The following PARVA variants were observed in gnomAD, a reference collection of about 807,000 sequenced individuals.
PARVA encodes alpha-parvin.
A neutral mutation model predicts 52.6 loss-of-function variants in PARVA; 25 were observed. That is an observed-to-expected ratio of 0.48 (90% CI 0.35 to 0.66). PARVA has a LOEUF of 0.66. Ranked by LOEUF, PARVA falls within the 30% of genes least tolerant of loss-of-function variation. The pLI is 0.01. For missense variants in PARVA, 373 were observed against 450.9 expected (o/e 0.83, Z 1.56); for synonymous variants, 185 against 179.1 (o/e 1.03, Z -0.26).
At chr11:12,483,437 A>G (rs1166565026) in intron 4 of PARVA, among the ~76,000 whole-genome samples, 2 of 152,234 alleles carry the variant, frequency 1.3e-5, no homozygotes, top group African/African-American at 4.8e-5. Context: ...TGTTTCAACC[A>G]GGGCTCATAG....
rs142627372 is a variant in PARVA, at chr11:12,521,023, T to A, written c.1042+2506T>A. 1.8e-4 allele frequency among the ~76,000 whole-genome samples: 28 copies of A among 152,322 alleles called. No homozygotes were observed. The Middle Eastern group carries it at 0.01, about 56-fold the overall frequency. On this transcript the variant is annotated intron_variant, in intron 12 of 12. Transcript: ENST00000334956. ...GGGCATCGTGCCACATGTCTTCAAATGCACATGTCCACCCTGTTATCACCT... is the reference window on the plus strand; with the variant it reads ...GGGCATCGTGCCACATGTCTTCAAAAGCACATGTCCACCCTGTTATCACCT...
rs66494894 is a variant in PARVA at position 12,522,421 on chromosome 11, C to CTTTTT, written c.1042+3917_1042+3921dup. On this transcript the variant is annotated intron_variant, in intron 12 of 12. Coordinates refer to ENST00000334956, the MANE Select transcript of PARVA (RefSeq NM_018222.5). ...TAGACAACAAATCAAGAGCTTTATT[C>CTTTTT]TTTTTTTTTTTTTTTTTCTTGAGAC... is the stretch of plus-strand genomic sequence containing the variant. Among the ~76,000 whole-genome samples the CTTTTT allele has an allele frequency of 2.5e-4, 33 of 134,612 alleles. No individual in the cohort carries two copies. The South Asian group carries it at 2.8e-3, about 12-fold the overall frequency. 88.3% of individuals were successfully genotyped at this position (134,612 alleles called of 152,430 possible).
intron 1 of PARVA, among the ~76,000 whole-genome samples, chr11:12,454,156 C>T (rs982027114): frequency 6.6e-6 from 1 of 152,092 alleles, no homozygotes; most frequent in African/African-American, 2.4e-5. Context: ...CCCTTGGATC[C>T]AGGAAGTGGG....
chr11:12,408,152 C>T (rs1939941220), intron 1 of PARVA, among the ~76,000 whole-genome samples: 1 of 152,112 alleles, frequency 6.6e-6, no homozygotes, highest in Non-Finnish European at 1.5e-5. Context: ...CCCACCCCGA[C>T]CTGGCCCTAC....
At chr11:12,418,074 G>A (rs181426695) in intron 1 of PARVA, among the ~76,000 whole-genome samples, 5 of 152,350 alleles carry the variant, frequency 3.3e-5, no homozygotes, top group South Asian at 4.1e-4. Flanking sequence ...TCATTGGAAG[G>A]TTCCTGCTGG....
intron 4 of PARVA, among the ~76,000 whole-genome samples, chr11:12,494,157 C>T (rs1941266703): frequency 6.6e-6 from 1 of 152,238 alleles, no homozygotes; most frequent in Non-Finnish European, 1.5e-5. Flanking sequence ...CACAGAGCTT[C>T]CATGCTTTCT....
At chr11:12,476,513 C>G (rs1216260617) in intron 3 of PARVA, among the ~76,000 whole-genome samples, 2 of 151,976 alleles carry the variant, frequency 1.3e-5, no homozygotes, top group East Asian at 3.9e-4. Flanking sequence ...AAAAAAAAGT[C>G]TCCTCAAACA....
chr11:12,533,040 T>C lies in PARVA; in HGVS notation c.*5115T>C, dbSNP rs1941791492. 6.6e-6 allele frequency among the ~76,000 whole-genome samples: 1 copy of C among 152,110 alleles called. No homozygotes were observed. Among genetic ancestry groups the C allele is most frequent in the Admixed American group, 6.5e-5 (1 of 15,274 alleles). ...GAGCGGAGGAGACCAGGAGAGGAGA[T>C]CAGACCTCTGCCCACCCCAACACCA... On this transcript the variant is annotated 3_prime_UTR_variant, in exon 13 of 13. Transcript: ENST00000334956.
rs1335114258 is a variant in PARVA at position 12,533,066 on chromosome 11, A to G, written c.*5141A>G. On this transcript the variant is annotated 3_prime_UTR_variant, in exon 13 of 13. Transcript: ENST00000334956. ...CAGACCTCTGCCCACCCCAACACCA[A>G]TCTGGTCTTAGCAACCTCTGGGCAT... Among the ~76,000 whole-genome samples the G allele has an allele frequency of 5.3e-5, 8 of 152,130 alleles. No homozygotes were observed. Among genetic ancestry groups the G allele is most frequent in the Non-Finnish European group, 5.9e-5 (4 of 68,024 alleles).
At chr11:12,453,924 G>A (rs1940659289) in intron 1 of PARVA, among the ~76,000 whole-genome samples, 1 of 152,214 alleles carries the variant, frequency 6.6e-6, no homozygotes, top group Non-Finnish European at 1.5e-5. Context: ...GGGGGACACA[G>A]CATCTCCCTG....
chr11:12,437,678 A>G (rs1007822315), intron 1 of PARVA, among the ~76,000 whole-genome samples: 2 of 152,164 alleles, frequency 1.3e-5, no homozygotes, highest in African/African-American at 2.4e-5. Context: ...AAGAGCATCA[A>G]GGCTGTGCTT....
chr11:12,435,607 C>G (rs1940377060), intron 1 of PARVA, among the ~76,000 whole-genome samples: 1 of 152,130 alleles, frequency 6.6e-6, no homozygotes, highest in African/African-American at 2.4e-5. Context: ...TCTCATAGGT[C>G]ATAAGGAATG....
chr11:12,388,966 G>C (rs771974152), intron 1 of PARVA, among the ~76,000 whole-genome samples: 25 of 152,100 alleles, frequency 1.6e-4, no homozygotes, highest in Non-Finnish European at 3.4e-4. Flanking sequence ...CAGGGCCAGA[G>C]TGTGATAATT....
At chr11:12,513,067 A>G (rs1589987268) in intron 8 of PARVA, 1 of 676,544 alleles carries the variant, frequency 1.5e-6, no homozygotes, top group Admixed American at 2.0e-5. Context: ...GCCTGCCCCA[A>G]TCCAATAATG....
chr11:12,494,726 C>G (rs1396766439), intron 4 of PARVA, among the ~76,000 whole-genome samples: 2 of 151,734 alleles, frequency 1.3e-5, no homozygotes, highest in African/African-American at 4.8e-5. Flanking sequence ...ACTCAGAGAC[C>G]TAAGCTGAAA....
intron 1 of PARVA, among the ~76,000 whole-genome samples, chr11:12,441,778 A>C (rs1230553334): frequency 6.6e-6 from 1 of 152,210 alleles, no homozygotes; most frequent in Non-Finnish European, 1.5e-5. Flanking sequence ...CTATATTTTA[A>C]TGATTTTTCC....
intron 1 of PARVA, among the ~76,000 whole-genome samples, chr11:12,392,831 G>A (rs761390590): frequency 5.9e-5 from 9 of 151,946 alleles, no homozygotes; most frequent in Admixed American, 2.0e-4. Context: ...TGTTAACCCC[G>A]AAAGGTACAC....
At chr11:12,486,173 T>C (rs1941156323) in intron 4 of PARVA, among the ~76,000 whole-genome samples, 1 of 152,124 alleles carries the variant, frequency 6.6e-6, no homozygotes, top group African/African-American at 2.4e-5. Context: ...TCGGAGTGCA[T>C]AGGAATTGTC....
At chr11:12,510,623 G>T (rs1182769805) in intron 7 of PARVA, among the ~76,000 whole-genome samples, 2 of 152,178 alleles carry the variant, frequency 1.3e-5, no homozygotes, top group African/African-American at 4.8e-5. Context: ...GGCCGGGGAG[G>T]CCTCAGAATC....
Sources: gnomAD v4.1 joint callset for allele counts (sites outside exome capture counted in the v4.1 genomes callset) on GRCh38, gnomAD v4.1.1 for gene constraint, MANE v1.5 for transcripts, NCBI Gene and HGNC (gene_info 2026-07-23, HGNC 2026-07-21) for gene names.